Variants in AK5 observed in about 807,000 individuals in gnomAD.
The protein encoded by AK5 is adenylate kinase isoenzyme 5.
Under a neutral mutation model 69.5 loss-of-function variants are expected in AK5, and 27 were observed. The ratio of observed to expected loss-of-function variants is 0.39; its 90% CI spans 0.29 to 0.54. The LOEUF (loss-of-function observed/expected upper bound fraction) is 0.54. Ranked by LOEUF, AK5 falls within the 20% of genes least tolerant of loss-of-function variation. AK5 has a pLI of 0.71. For missense variants in AK5, 531 were observed against 700.4 expected, an observed-to-expected ratio of 0.76 and a Z score of 2.73; for synonymous variants, 260 against 244.4, an observed-to-expected ratio of 1.06 and a Z score of -0.60.
At chr1:77,294,296 A>G (rs1010064013) in intron 3 of AK5, among the ~76,000 whole-genome samples, 2 of 152,112 alleles carry the variant, frequency 1.3e-5, no homozygotes, top group Non-Finnish European at 1.5e-5. Context: ...AGCCAATTGA[A>G]GTTTTCTGAG....
At chr1:77,326,388 C>G (rs545249603) in intron 5 of AK5, among the ~76,000 whole-genome samples, 2 of 151,260 alleles carry the variant, frequency 1.3e-5, no homozygotes, top group African/African-American at 4.8e-5. Flanking sequence ...CTACGTAAAT[C>G]AAAGTAACTT....
intron 1 of AK5, chr1:77,282,924 C>T: frequency 2.0e-6 from 2 of 985,954 alleles, no homozygotes; most frequent in African/African-American, 1.7e-5. Context: ...TCCCCGGTGA[C>T]AGGCCCCCAG....
At chr1:77,380,945 T>C (rs1171467951) in intron 6 of AK5, among the ~76,000 whole-genome samples, 1 of 152,200 alleles carries the variant, frequency 6.6e-6, no homozygotes, top group Non-Finnish European at 1.5e-5. Flanking sequence ...GGTAGGACTT[T>C]GAAGAAGTGA....
chr1:77,452,479 A>G (rs1310784746), intron 8 of AK5, among the ~76,000 whole-genome samples: 4 of 152,254 alleles, frequency 2.6e-5, no homozygotes, highest in Non-Finnish European at 5.9e-5. Context: ...TGTTTGGAGT[A>G]AGAGCTGTCA....
At position 77,297,461 on chromosome 1, in the gene AK5, G is replaced by C. The variant is rs1006018800; in HGVS notation, c.416-98G>C. 5 of 1,157,990 alleles carry C rather than the reference G, an allele frequency of 4.3e-6. No individual in the cohort carries two copies. The African/African-American group carries it at 7.8e-5, about 18-fold the overall frequency. 71.7% of individuals were successfully genotyped at this position (1,157,990 alleles called of 1,614,324 possible). ...TGGAACTGTTAACCACCCTGTCTTG[G>C]TGACACAGAATTTGCATCCCAGATG... On this transcript the variant is annotated intron_variant, in intron 3 of 13. Transcript: ENST00000354567.
intron 1 of AK5, among the ~76,000 whole-genome samples, chr1:77,284,005 C>A (rs1359572180): frequency 6.6e-6 from 1 of 152,116 alleles, no homozygotes; most frequent in African/African-American, 2.4e-5. Flanking sequence ...CTACACTGTG[C>A]ATGCAAATAA....
rs1306373820 is a variant in AK5 at position 77,518,597 on chromosome 1, A to C, written c.1181A>C (p.Glu394Ala). ...GGCTCTGGCAAAGGCACACAGTGTG[A>C]AAAGCTGGTGGAAAAATATGGATTT... ...GPGSGKGTQCEKLVEKYGFTH... is the reference protein window; with the variant it reads ...GPGSGKGTQCAKLVEKYGFTH... Residue 394 changes from glutamate (E) to alanine (A), a missense_variant, in exon 11 of 14, where the codon GAA becomes GCA. By Grantham distance (107) the Glu-to-Ala change is moderately radical. Transcript: ENST00000354567. The C allele has an allele frequency of 6.2e-7, 1 of 1,614,188 alleles. No homozygotes were observed. The highest frequency in any genetic ancestry group is 1.7e-5 in the Admixed American group (1 of 60,022).
chr1:77,305,628 C>A (rs1286808895), intron 5 of AK5, among the ~76,000 whole-genome samples: 1 of 152,014 alleles, frequency 6.6e-6, no homozygotes, highest in Non-Finnish European at 1.5e-5. Context: ...TTCTTGATAC[C>A]TTTGTTGAAA....
intron 13 of AK5, among the ~76,000 whole-genome samples, chr1:77,545,425 T>C (rs1366394716): frequency 6.6e-6 from 1 of 152,234 alleles, no homozygotes; most frequent in Non-Finnish European, 1.5e-5. Flanking sequence ...TGTTTTCTTT[T>C]TAATAGCTAT....
chr1:77,398,338 G>A (rs1244394885), intron 6 of AK5, among the ~76,000 whole-genome samples: 2 of 152,074 alleles, frequency 1.3e-5, no homozygotes, highest in Non-Finnish European at 2.9e-5. Flanking sequence ...AGACACTCGA[G>A]CATTAAAGAG....
intron 12 of AK5, among the ~76,000 whole-genome samples, chr1:77,526,039 TCGA>T (rs556970453): frequency 9.8e-5 from 15 of 152,318 alleles, no homozygotes; most frequent in Admixed American, 7.2e-4. Context: ...TTGGGTAATA[TCGA>T]CATCTTAGCA....
chr1:77,367,805 A>T (rs1250737714), intron 6 of AK5, among the ~76,000 whole-genome samples: 4 of 8,498 alleles, frequency 4.7e-4, no homozygotes, highest in African/African-American at 1.1e-3. Context: ...GTTATATATA[A>T]TATATGTTAT....
intron 6 of AK5, among the ~76,000 whole-genome samples, chr1:77,349,198 T>G (rs1662067136): frequency 6.6e-6 from 1 of 152,200 alleles, no homozygotes; most frequent in Non-Finnish European, 1.5e-5. Context: ...TTCGGAATGT[T>G]TCTGTTCTCA....
chr1:77,316,935 A>C (rs1352251767), intron 5 of AK5, among the ~76,000 whole-genome samples: 1 of 152,192 alleles, frequency 6.6e-6, no homozygotes, highest in Non-Finnish European at 1.5e-5. Context: ...TGATTTTGCC[A>C]TGTATATCAA....
At chr1:77,455,328 C>A (rs1653410521) in intron 8 of AK5, among the ~76,000 whole-genome samples, 1 of 152,122 alleles carries the variant, frequency 6.6e-6, no homozygotes, top group Admixed American at 6.5e-5. Flanking sequence ...GAGGGCAGAG[C>A]CATCATGAAG....
intron 10 of AK5, among the ~76,000 whole-genome samples, chr1:77,509,734 C>T (rs1657235409): frequency 6.6e-6 from 1 of 152,150 alleles, no homozygotes; most frequent in East Asian, 1.9e-4. Context: ...GGCTATGCAC[C>T]TTTAAAGGTG....
chr1:77,486,447 G>T, intron 10 of AK5, 95 bp downstream of exon 10: 1 of 875,902 alleles, frequency 1.1e-6, no homozygotes, highest in East Asian at 2.8e-5. Context: ...TGTAATCCCA[G>T]CACTGTGGGA....
intron 6 of AK5, among the ~76,000 whole-genome samples, chr1:77,380,407 C>A (rs1311978207): frequency 6.6e-6 from 1 of 152,114 alleles, no homozygotes; most frequent in Non-Finnish European, 1.5e-5. Flanking sequence ...GTGATAGAGC[C>A]AGGACTCTAG....
rs560645903 is a variant in AK5, at chr1:77,494,256, G to A, written c.1147+7904G>A. ...TTAGGTATTTGGCCTGTTCACTAAA[G>A]GCTAAGTGTATTCAAGGAAATGGCC... On this transcript the variant is annotated intron_variant, in intron 10 of 13. Transcript: ENST00000354567. 9.8e-5 allele frequency among the ~76,000 whole-genome samples: 15 copies of A among 152,326 alleles called. No individual in the cohort carries two copies. In the South Asian group the frequency reaches 2.9e-3, roughly 29 times the overall value.
Sources: gnomAD v4.1 joint callset for allele counts (sites outside exome capture counted in the v4.1 genomes callset) on GRCh38, gnomAD v4.1.1 for gene constraint, MANE v1.5 for transcripts, NCBI Gene and HGNC (gene_info 2026-07-23, HGNC 2026-07-21) for gene names.